The following CTCF variants were observed in gnomAD, a reference collection of about 807,000 sequenced individuals.
CTCF encodes the protein CCCTC-binding factor.
A neutral mutation model predicts 72.3 loss-of-function variants in CTCF; 7 were observed. The observed-to-expected ratio is 0.10, with a 90% CI of 0.06 to 0.18. The LOEUF (loss-of-function observed/expected upper bound fraction) is 0.18, where lower values mean the gene tolerates loss of function less well. Among genes scored for constraint, CTCF ranks in the 10% least tolerant of loss-of-function variants. CTCF has a pLI of 1.00. For synonymous variants in CTCF, 374 were observed against 315.8 expected (o/e 1.18, Z -1.95); for missense variants, 516 against 949.1 (o/e 0.54, Z 6.00).
intron 2 of CTCF, among the ~76,000 whole-genome samples, chr16:67,571,973 C>T (rs995709189): frequency 2.6e-5 from 4 of 152,032 alleles, no homozygotes; most frequent in Admixed American, 6.6e-5. Context: ...TCTCTTCTCA[C>T]GGTACCGGAA....
At chr16:67,570,787 G>A (rs1261718602) in intron 1 of CTCF, 1 of 133,622 alleles carries the variant, frequency 7.5e-6, no homozygotes, top group Non-Finnish European at 1.5e-5. Context: ...ACTCTGTCAA[G>A]CAGGCTGGAA....
At chr16:67,624,648 G>A (rs1300900016) in intron 7 of CTCF, among the ~76,000 whole-genome samples, 5 of 150,320 alleles carry the variant, frequency 3.3e-5, no homozygotes, top group East Asian at 2.0e-4. Context: ...GCTGGAGTTC[G>A]GTGGCTCAGT....
At chr16:67,632,190 T>A in intron 10 of CTCF, among the ~76,000 whole-genome samples, 1 of 152,020 alleles carries the variant, frequency 6.6e-6, no homozygotes, top group East Asian at 1.9e-4. Context: ...TGGGGATCCC[T>A]ATAGTTGTTC....
intron 11 of CTCF, 41 bp from the exon 12 acceptor site, chr16:67,637,647 T>C (rs750062367): frequency 6.4e-7 from 1 of 1,565,174 alleles, no homozygotes; most frequent in South Asian, 1.2e-5. Flanking sequence ...TTCTTGGGGC[T>C]TTAATGGACC....
At chr16:67,596,177 C>T (rs977869755) in intron 2 of CTCF, among the ~76,000 whole-genome samples, 1 of 152,184 alleles carries the variant, frequency 6.6e-6, no homozygotes, top group African/African-American at 2.4e-5. Context: ...TGGTCTCGAT[C>T]TCCTGACCTC....
rs1158978403 is a variant in CTCF at position 67,610,350 on chromosome 16, CTTTTTTTTTTT to C, written c.-9-464_-9-454del. On this transcript the variant is annotated intron_variant, in intron 2 of 11. Coordinates refer to ENST00000264010, the MANE Select transcript of CTCF (RefSeq NM_006565.4). ...TTATAGGTAGTGGTTTTTTCTTTTT[CTTTTTTTTTTT>C]TTTTTTTTTGAGATGGAGTCTTGCT... is the stretch of plus-strand genomic sequence containing the variant. Among the ~76,000 whole-genome samples, 113 of 121,400 alleles carry C rather than the reference CTTTTTTTTTTT, an allele frequency of 9.3e-4. 2 individuals are homozygous for C. The highest frequency in any genetic ancestry group is 8.1e-3 in the Admixed American group (97 of 11,902). The allele number at this position is 121,400 out of a possible 152,430, so 79.6% of individuals were successfully genotyped here.
At chr16:67,585,917 T>A (rs1459920279) in intron 2 of CTCF, among the ~76,000 whole-genome samples, 1 of 152,204 alleles carries the variant, frequency 6.6e-6, no homozygotes, top group Non-Finnish European at 1.5e-5. Flanking sequence ...TATTTGCTTC[T>A]TCCTTTGTCT....
At chr16:67,575,254 A>G (rs1007083202) in intron 2 of CTCF, among the ~76,000 whole-genome samples, 2 of 152,150 alleles carry the variant, frequency 1.3e-5, no homozygotes, top group Admixed American at 6.5e-5. Context: ...CCCTGTCTCA[A>G]TAAACAAATA....
At chr16:67,586,837 A>G (rs968602069) in intron 2 of CTCF, among the ~76,000 whole-genome samples, 2 of 151,938 alleles carry the variant, frequency 1.3e-5, no homozygotes, top group Non-Finnish European at 2.9e-5. Flanking sequence ...TTTCTGGTCC[A>G]GGCTGGAGTG....
At chr16:67,602,494 C>T (rs1310115081) in intron 2 of CTCF, among the ~76,000 whole-genome samples, 1 of 152,116 alleles carries the variant, frequency 6.6e-6, no homozygotes, top group Non-Finnish European at 1.5e-5. Flanking sequence ...ATTCCCTTTG[C>T]AGGGATACTA....
intron 1 of CTCF, chr16:67,568,417 C>G (rs752203892): frequency 1.4e-5 from 2 of 145,386 alleles, no homozygotes; most frequent in Non-Finnish European, 3.0e-5. Flanking sequence ...GAGACGAAGT[C>G]TTCCTCTGTC....
At chr16:67,596,285 T>G (rs2051813679) in intron 2 of CTCF, among the ~76,000 whole-genome samples, 1 of 152,202 alleles carries the variant, frequency 6.6e-6, no homozygotes, top group East Asian at 1.9e-4. Flanking sequence ...CATAGCAGTT[T>G]AACAGAGGCA....
chr16:67,563,565 C>T (rs935669314), intron 1 of CTCF: 15 of 152,220 alleles, frequency 9.9e-5, no homozygotes, highest in African/African-American at 3.4e-4. Context: ...CCGGACCCGA[C>T]CGGTGCGGCC....
chr16:67,636,623 G>T, intron 10 of CTCF, 67 bp from the exon 11 acceptor site: 2 of 1,038,834 alleles, frequency 1.9e-6, no homozygotes, highest in Non-Finnish European at 1.3e-6. Flanking sequence ...ATATATAATT[G>T]TTTTCTTTCA....
intron 1 of CTCF, among the ~76,000 whole-genome samples, chr16:67,568,941 G>A (rs573195443): frequency 1.3e-3 from 197 of 151,404 alleles, no homozygotes; most frequent in Non-Finnish European, 2.4e-3. Context: ...GGGTTCAAGC[G>A]ATTCTCCTGC....
intron 11 of CTCF, 78 bp from the exon 12 acceptor site, chr16:67,637,610 C>T (rs762534118): frequency 9.9e-6 from 12 of 1,206,616 alleles, no homozygotes; most frequent in Non-Finnish European, 7.1e-6. Flanking sequence ...ACATCCCGTT[C>T]GCTGTCAGTC....
intron 2 of CTCF, among the ~76,000 whole-genome samples, chr16:67,597,484 G>T (rs1341697795): frequency 6.6e-6 from 1 of 151,968 alleles, no homozygotes; most frequent in East Asian, 1.9e-4. Flanking sequence ...GATTACAGGT[G>T]CCCGCCACTA....
chr16:67,589,229 C>G (rs1411315710), intron 2 of CTCF, among the ~76,000 whole-genome samples: 2 of 152,052 alleles, frequency 1.3e-5, no homozygotes, highest in Non-Finnish European at 2.9e-5. Context: ...CCCAGGAGTT[C>G]AAGGCTGTGG....
At chr16:67,625,267 T>C (rs914615059) in intron 7 of CTCF, among the ~76,000 whole-genome samples, 3 of 152,132 alleles carry the variant, frequency 2.0e-5, no homozygotes, top group Non-Finnish European at 4.4e-5. Context: ...CTTGGCTCAC[T>C]GCAACCTCTG....
Sources: allele counts gnomAD v4.1 joint callset (sites outside exome capture counted in the v4.1 genomes callset), GRCh38; gene constraint gnomAD v4.1.1; transcripts MANE v1.5; gene names NCBI Gene and HGNC (gene_info 2026-07-23, HGNC 2026-07-21).